The following PSMA1 variants were observed in gnomAD, a reference collection of about 807,000 sequenced individuals.
PSMA1 encodes proteasome 20S subunit alpha 1.
PSMA1 carries 3 observed loss-of-function variants against 38.4 expected under a neutral mutation model. That is an observed-to-expected ratio of 0.08 (90% CI 0.04 to 0.20). PSMA1 has a LOEUF of 0.20. Ranked by LOEUF, PSMA1 falls within the 10% of genes least tolerant of loss-of-function variation. The pLI is 1.00. For synonymous variants in PSMA1, 101 were observed against 107.1 expected, an observed-to-expected ratio of 0.94 and a Z score of 0.35; for missense variants, 227 against 325.3, an observed-to-expected ratio of 0.70 and a Z score of 2.32.
chr11:14,519,949 C>T, intron 1 of PSMA1: 1 of 301,294 alleles, frequency 3.3e-6, no homozygotes, highest in Non-Finnish European at 6.2e-6. Flanking sequence ...GCCTCCAAGT[C>T]AAGTCTCTGT....
At chr11:14,627,830 T>G (rs1483856794) in intron 1 of PSMA1, among the ~76,000 whole-genome samples, 1 of 152,198 alleles carries the variant, frequency 6.6e-6, no homozygotes, top group Non-Finnish European at 1.5e-5. Flanking sequence ...AATGCCATCC[T>G]CTCTTATATC....
chr11:14,532,645 T>C (rs1337445625), intron 2 of PSMA1, among the ~76,000 whole-genome samples: 1 of 145,508 alleles, frequency 6.9e-6, no homozygotes, highest in African/African-American at 2.6e-5. Flanking sequence ...AAGATTTTTT[T>C]TCAATAAAGA....
intron 2 of PSMA1, among the ~76,000 whole-genome samples, chr11:14,594,912 C>A (rs1266160653): frequency 2.0e-5 from 3 of 152,034 alleles, no homozygotes; most frequent in Non-Finnish European, 4.4e-5. Flanking sequence ...CTCCCCCAGC[C>A]CCCAACCCCC....
At chr11:14,529,084 T>C (rs1851618383) in intron 2 of PSMA1, among the ~76,000 whole-genome samples, 1 of 139,180 alleles carries the variant, frequency 7.2e-6, no homozygotes, top group Non-Finnish European at 1.5e-5. Context: ...AAGTTTGCAA[T>C]GAACTATGAT....
At chr11:14,604,921 A>T (rs1482761708) in intron 2 of PSMA1, among the ~76,000 whole-genome samples, 3 of 152,338 alleles carry the variant, frequency 2.0e-5, no homozygotes, top group African/African-American at 4.8e-5. Context: ...ATGGGTTATT[A>T]TATGTACCAC....
chr11:14,598,629 C>T (rs918925161), intron 2 of PSMA1, among the ~76,000 whole-genome samples: 14 of 148,318 alleles, frequency 9.4e-5, no homozygotes, highest in East Asian at 2.0e-4. Flanking sequence ...TTTGAGCCTA[C>T]GTATGTCTCT....
chr11:14,505,462 T>TA (rs1051560430), intron 9 of PSMA1, among the ~76,000 whole-genome samples: 3 of 151,982 alleles, frequency 2.0e-5, no homozygotes, highest in East Asian at 1.9e-4. Flanking sequence ...ATTTTTTATT[T>TA]AAAAAAAATA....
rs559628684 is a variant in PSMA1, at chr11:14,639,349, T to G, written c.-166+4106A>C. Among the ~76,000 whole-genome samples the G allele has an allele frequency of 3.9e-5, 6 of 152,358 alleles. No individual in the cohort carries two copies. In the South Asian group the frequency reaches 1.2e-3, roughly 32 times the overall value. On this transcript the variant is annotated intron_variant, in intron 1 of 10. Transcript: ENST00000418988. Reference sequence around the variant, plus strand: ...AATATGAAAAGTTTTTTCTATTATATTCTATTTTAAGAGTTTTCTATTAAA... The same window carrying G: ...AATATGAAAAGTTTTTTCTATTATAGTCTATTTTAAGAGTTTTCTATTAAA...
intron 2 of PSMA1, among the ~76,000 whole-genome samples, chr11:14,604,589 T>C (rs1181953920): frequency 6.6e-6 from 1 of 152,204 alleles, no homozygotes; most frequent in Non-Finnish European, 1.5e-5. Flanking sequence ...TTTTTTGAGT[T>C]AGAGGTACAT....
intron 2 of PSMA1, among the ~76,000 whole-genome samples, chr11:14,565,486 A>G (rs1367601679): frequency 1.3e-5 from 2 of 152,108 alleles, no homozygotes; most frequent in African/African-American, 4.8e-5. Context: ...TTGATCCGAT[A>G]ATTTTCTTCT....
intron 2 of PSMA1, among the ~76,000 whole-genome samples, chr11:14,597,905 T>C (rs530428467): frequency 1.3e-5 from 2 of 152,328 alleles, no homozygotes; most frequent in African/African-American, 4.8e-5. Flanking sequence ...TATTTCCCTC[T>C]ACACACTGCT....
intron 2 of PSMA1, among the ~76,000 whole-genome samples, chr11:14,533,741 C>T (rs1851674442): frequency 6.6e-6 from 1 of 151,412 alleles, no homozygotes; most frequent in African/African-American, 2.4e-5. Flanking sequence ...TTTGAGGAAT[C>T]CCTCTTTCAC....
chr11:14,518,395 G>A (rs1204741651), intron 2 of PSMA1, among the ~76,000 whole-genome samples: 4 of 152,018 alleles, frequency 2.6e-5, no homozygotes, highest in South Asian at 2.1e-4. Context: ...CACTGCACCC[G>A]GCTGAAAGCT....
intron 2 of PSMA1, among the ~76,000 whole-genome samples, chr11:14,605,262 A>G (rs1320516330): frequency 6.6e-6 from 1 of 152,108 alleles, no homozygotes; most frequent in Non-Finnish European, 1.5e-5. Flanking sequence ...GTGAGATGGT[A>G]TATCACTGCA....
chr11:14,625,636 A>G (rs1852901042), intron 1 of PSMA1, among the ~76,000 whole-genome samples: 1 of 152,152 alleles, frequency 6.6e-6, no homozygotes, highest in Non-Finnish European at 1.5e-5. Context: ...TTTTAATAGG[A>G]GACTTTGGCT....
chr11:14,550,711 C>T (rs1851876210), intron 2 of PSMA1, among the ~76,000 whole-genome samples: 1 of 151,834 alleles, frequency 6.6e-6, no homozygotes, highest in Non-Finnish European at 1.5e-5. Context: ...GTTATTTTTG[C>T]TGACGTGAGT....
chr11:14,508,389 T>C (rs1269138564), intron 8 of PSMA1, among the ~76,000 whole-genome samples: 3 of 152,012 alleles, frequency 2.0e-5, no homozygotes, highest in African/African-American at 2.4e-5. Flanking sequence ...CTTCCACCTA[T>C]GTACTATTAA....
intron 1 of PSMA1, among the ~76,000 whole-genome samples, chr11:14,638,526 T>TCC: frequency 8.1e-5 from 2 of 24,542 alleles, no homozygotes; most frequent in Non-Finnish European, 1.5e-4. Context: ...TCTCTCTCTC[T>TCC]CTCTCTCTCT....
At chr11:14,599,933 T>A (rs896190191) in intron 2 of PSMA1, among the ~76,000 whole-genome samples, 2 of 152,214 alleles carry the variant, frequency 1.3e-5, no homozygotes, top group African/African-American at 4.8e-5. Flanking sequence ...TTGGTGTAGA[T>A]GACCTTTTTG....
Sources: allele counts gnomAD v4.1 joint callset (sites outside exome capture counted in the v4.1 genomes callset), GRCh38; gene constraint gnomAD v4.1.1; transcripts MANE v1.5; gene names NCBI Gene and HGNC (gene_info 2026-07-23, HGNC 2026-07-21).